The following PKIB variants were observed in gnomAD, a reference collection of about 807,000 sequenced individuals.
PKIB encodes the protein PKI-beta.
PKIB carries 2 observed loss-of-function variants against 4.5 expected under a neutral mutation model. The observed-to-expected ratio is 0.44, with a 90% CI of 0.18 to 1.39. The LOEUF (loss-of-function observed/expected upper bound fraction) is 1.39, where lower values mean the gene tolerates loss of function less well. PKIB is among the 40% of genes most tolerant of loss of function. The pLI is 0.27. For missense variants in PKIB, 94 were observed against 92.6 expected, an observed-to-expected ratio of 1.02 and a Z score of -0.06; for synonymous variants, 38 against 36.0, an observed-to-expected ratio of 1.06 and a Z score of -0.20.
At chr6:122,547,371 T>C (rs1013187623) in intron 2 of PKIB, among the ~76,000 whole-genome samples, 1 of 152,090 alleles carries the variant, frequency 6.6e-6, no homozygotes, top group African/African-American at 2.4e-5. Context: ...GTTTCACTCT[T>C]GTTGCCCAGG....
intron 3 of PKIB, among the ~76,000 whole-genome samples, chr6:122,589,565 A>C (rs1228381252): frequency 6.6e-6 from 1 of 152,126 alleles, no homozygotes; most frequent in Non-Finnish European, 1.5e-5. Context: ...TGTATTTATA[A>C]ATGTATCAGT....
At chr6:122,510,264 T>C (rs898956128) in intron 2 of PKIB, among the ~76,000 whole-genome samples, 1 of 152,230 alleles carries the variant, frequency 6.6e-6, no homozygotes, top group Non-Finnish European at 1.5e-5. Flanking sequence ...AGTTGGTTTT[T>C]ATTTTTTGTT....
intron 2 of PKIB, among the ~76,000 whole-genome samples, chr6:122,668,405 C>A (rs77313809): frequency 0.012 from 1,753 of 152,282 alleles, 37 homozygotes; most frequent in African/African-American, 0.038. Context: ...ATATCAATTT[C>A]TCATACTAAG....
intron 2 of PKIB, among the ~76,000 whole-genome samples, chr6:122,567,942 C>G (rs569617244): frequency 1.3e-5 from 2 of 152,142 alleles, no homozygotes; most frequent in Non-Finnish European, 2.9e-5. Context: ...AGTTGCATTA[C>G]AGTTCTGTAT....
chr6:122,685,793 C>T lies in PKIB; in HGVS notation c.-9+10649C>T, dbSNP rs1363322802. On this transcript the variant is annotated intron_variant, in intron 3 of 4. Transcript: ENST00000368452. ...CCATTAACCATCCTTTACTACCATC[C>T]CACCACTAACCCATGATCCCCTTCC... Among the ~76,000 whole-genome samples the T allele has an allele frequency of 2.6e-5, 4 of 152,052 alleles. No individual in the cohort carries two copies. In the South Asian group the frequency reaches 8.3e-4, roughly 32 times the overall value.
At chr6:122,544,439 A>T (rs1772420194) in intron 2 of PKIB, among the ~76,000 whole-genome samples, 1 of 152,014 alleles carries the variant, frequency 6.6e-6, no homozygotes, top group Non-Finnish European at 1.5e-5. Flanking sequence ...AAACCCCACA[A>T]TCATTTGAAA....
At chr6:122,480,644 T>G (rs538242369) in intron 2 of PKIB, 179 of 152,338 alleles carry the variant, frequency 1.2e-3, no homozygotes, top group African/African-American at 4.2e-3. Context: ...ACTCCATTTC[T>G]ATCTCTTCCC....
chr6:122,603,307 A>G (rs964190715), intron 3 of PKIB, among the ~76,000 whole-genome samples: 3 of 152,282 alleles, frequency 2.0e-5, no homozygotes, highest in Admixed American at 6.5e-5. Flanking sequence ...TATATTTTCC[A>G]ATTTAATAAG....
At chr6:122,556,122 C>T (rs546039257) in intron 2 of PKIB, among the ~76,000 whole-genome samples, 3 of 152,310 alleles carry the variant, frequency 2.0e-5, no homozygotes, top group East Asian at 1.9e-4. Context: ...ATGCTCTTCT[C>T]ATGATAGTGA....
chr6:122,621,183 T>G (rs1442790106), intron 1 of PKIB, among the ~76,000 whole-genome samples: 4 of 152,174 alleles, frequency 2.6e-5, no homozygotes, highest in Non-Finnish European at 5.9e-5. Context: ...GTTAATTACT[T>G]TACTACCTGT....
chr6:122,636,649 A>G (rs1242888212), intron 2 of PKIB, among the ~76,000 whole-genome samples: 1 of 152,110 alleles, frequency 6.6e-6, no homozygotes, highest in Admixed American at 6.6e-5. Flanking sequence ...AAATTAATTT[A>G]TAAAGTTAGT....
chr6:122,672,754 A>G (rs1777518405), intron 2 of PKIB, among the ~76,000 whole-genome samples: 1 of 151,690 alleles, frequency 6.6e-6, no homozygotes, highest in South Asian at 2.1e-4. Context: ...AAGTTATATT[A>G]GACTATTAGG....
intron 2 of PKIB, among the ~76,000 whole-genome samples, chr6:122,566,054 C>CTT (rs147444833): frequency 2.7e-5 from 4 of 149,838 alleles, no homozygotes; most frequent in East Asian, 2.0e-4. Flanking sequence ...AAGAAGCTAT[C>CTT]TTTTTTTTTT....
chr6:122,523,944 G>A (rs1311258213), intron 2 of PKIB, among the ~76,000 whole-genome samples: 1 of 152,108 alleles, frequency 6.6e-6, no homozygotes, highest in Admixed American at 6.5e-5. Flanking sequence ...AAATTACCCA[G>A]TCTCAAGTGT....
At chr6:122,613,953 C>T (rs1372443887) in intron 1 of PKIB, among the ~76,000 whole-genome samples, 2 of 115,716 alleles carry the variant, frequency 1.7e-5, no homozygotes, top group African/African-American at 3.2e-5. Flanking sequence ...CAGAGTGAGA[C>T]TCCATCAAAA....
At chr6:122,618,487 C>A (rs958209464) in intron 1 of PKIB, among the ~76,000 whole-genome samples, 1 of 151,708 alleles carries the variant, frequency 6.6e-6, no homozygotes, top group South Asian at 2.1e-4. Context: ...AGATAATATA[C>A]GTTGCAATGA....
At chr6:122,670,850 T>G (rs1298994289) in intron 2 of PKIB, among the ~76,000 whole-genome samples, 1 of 152,146 alleles carries the variant, frequency 6.6e-6, no homozygotes, top group Non-Finnish European at 1.5e-5. Context: ...CTCTTAAGAG[T>G]AGACTTTTAA....
chr6:122,538,192 A>G (rs1365659640), intron 2 of PKIB, among the ~76,000 whole-genome samples: 1 of 151,924 alleles, frequency 6.6e-6, no homozygotes, highest in East Asian at 1.9e-4. Context: ...ATTAGATCCC[A>G]TTTGTCAATT....
At chr6:122,583,520 G>A (rs969988578) in intron 2 of PKIB, among the ~76,000 whole-genome samples, 1 of 152,024 alleles carries the variant, frequency 6.6e-6, no homozygotes, top group Admixed American at 6.6e-5. Flanking sequence ...TTGCTTTCCA[G>A]GCTGTTCCAC....
Sources: allele counts gnomAD v4.1 joint callset (sites outside exome capture counted in the v4.1 genomes callset), GRCh38; gene constraint gnomAD v4.1.1; transcripts MANE v1.5; gene names NCBI Gene and HGNC (gene_info 2026-07-23, HGNC 2026-07-21).